Variants in SLC44A5 observed in about 807,000 individuals in gnomAD.
SLC44A5 encodes choline transporter-like protein 5.
A neutral mutation model predicts 101.8 loss-of-function variants in SLC44A5; 57 were observed. The observed-to-expected ratio is 0.56, with a 90% CI of 0.45 to 0.70. SLC44A5 has a LOEUF of 0.70. SLC44A5 is among the 30% of genes least tolerant of loss of function. The pLI is 0.00. For synonymous variants in SLC44A5, 281 were observed against 290.9 expected (o/e 0.97, Z 0.35); for missense variants, 737 against 853.1 (o/e 0.86, Z 1.70).
chr1:75,561,032 G>GAA (rs1332602139), intron 1 of SLC44A5, among the ~76,000 whole-genome samples: 16 of 152,082 alleles, frequency 1.1e-4, no homozygotes, highest in African/African-American at 3.9e-4. Flanking sequence ...TCCCATTCAT[G>GAA]TGTCCACAGG....
chr1:75,338,276 C>T (rs981288337), intron 4 of SLC44A5, among the ~76,000 whole-genome samples: 3 of 151,604 alleles, frequency 2.0e-5, no homozygotes, highest in Non-Finnish European at 4.4e-5. Context: ...CTGAACTACA[C>T]GGTTCCGTCA....
the SLC44A5 span, among the ~76,000 whole-genome samples, chr1:75,637,345 C>T: frequency 0.75 from 114,506 of 151,842 alleles, 43,446 homozygotes; most frequent in East Asian, 0.96. Context: ...AAGAAATGAT[C>T]CTGATACATG....
At chr1:75,523,328 C>T (rs1200922972) in intron 2 of SLC44A5, among the ~76,000 whole-genome samples, 1 of 152,064 alleles carries the variant, frequency 6.6e-6, no homozygotes, top group Non-Finnish European at 1.5e-5. Context: ...CAAGAAATAT[C>T]TACCATTTCT....
At chr1:75,652,066 A>T in the SLC44A5 span, among the ~76,000 whole-genome samples, 1 of 152,152 alleles carries the variant, frequency 6.6e-6, no homozygotes, top group Non-Finnish European at 1.5e-5. Flanking sequence ...TTTAACTGGT[A>T]GATAACCTTC....
At chr1:75,456,606 GT>G in intron 2 of SLC44A5, among the ~76,000 whole-genome samples, 1 of 152,270 alleles carries the variant, frequency 6.6e-6, no homozygotes, top group East Asian at 1.9e-4. Flanking sequence ...TTTCTGTTCT[GT>G]TTTCACTTGG....
At chr1:75,305,339 C>T (rs1440671765) in intron 4 of SLC44A5, among the ~76,000 whole-genome samples, 1 of 152,124 alleles carries the variant, frequency 6.6e-6, no homozygotes, top group African/African-American at 2.4e-5. Flanking sequence ...AGACTATTGC[C>T]GTGGTCTCTT....
chr1:75,551,120 G>A (rs181724897), intron 1 of SLC44A5, among the ~76,000 whole-genome samples: 55 of 152,008 alleles, frequency 3.6e-4, no homozygotes, highest in African/African-American at 1.1e-3. Context: ...TACTTATTCC[G>A]TATGCTGATT....
chr1:75,234,965 G>A (rs1647940501), intron 11 of SLC44A5, among the ~76,000 whole-genome samples: 1 of 152,004 alleles, frequency 6.6e-6, no homozygotes, highest in African/African-American at 2.4e-5. Flanking sequence ...GGTGCTATCT[G>A]TAAGTTTCCA....
At chr1:75,439,786 T>A (rs376378482) in intron 2 of SLC44A5, among the ~76,000 whole-genome samples, 3 of 152,094 alleles carry the variant, frequency 2.0e-5, no homozygotes, top group East Asian at 1.9e-4. Flanking sequence ...GAAAAGGTAA[T>A]GGCAGAGAAT....
intron 7 of SLC44A5, 100 bp downstream of exon 7, chr1:75,251,110 C>T: frequency 1.2e-6 from 1 of 863,854 alleles, no homozygotes; most frequent in Non-Finnish European, 1.9e-6. Context: ...AACCCCCTGC[C>T]CACGCACACA....
At chr1:75,349,573 G>T (rs1658492333) in intron 3 of SLC44A5, among the ~76,000 whole-genome samples, 1 of 152,154 alleles carries the variant, frequency 6.6e-6, no homozygotes, top group Non-Finnish European at 1.5e-5. Flanking sequence ...ATGAGAGTTT[G>T]CCCCAGCAGG....
At chr1:75,694,439 GT>G in the SLC44A5 span, among the ~76,000 whole-genome samples, 3 of 151,882 alleles carry the variant, frequency 2.0e-5, no homozygotes, top group Non-Finnish European at 4.4e-5. Flanking sequence ...TCAAGAATCT[GT>G]TTTCTTCCTA....
chr1:75,597,012 C>T (rs867300075), intron 1 of SLC44A5, among the ~76,000 whole-genome samples: 15 of 151,854 alleles, frequency 9.9e-5, no homozygotes, highest in South Asian at 2.1e-4. Context: ...ATGGCAAACC[C>T]CTATCTCTAT....
chr1:75,463,978 T>C (rs1415777701), intron 2 of SLC44A5, among the ~76,000 whole-genome samples: 2 of 151,974 alleles, frequency 1.3e-5, no homozygotes, highest in African/African-American at 4.8e-5. Flanking sequence ...ATCCCAGCAC[T>C]TTGAGAGGCC....
intron 1 of SLC44A5, among the ~76,000 whole-genome samples, chr1:75,598,479 G>T (rs532885608): frequency 6.6e-6 from 1 of 152,290 alleles, no homozygotes; most frequent in East Asian, 1.9e-4. Flanking sequence ...GTACACGTAT[G>T]TTCACTGCAG....
chr1:75,662,345 G>A, the SLC44A5 span, among the ~76,000 whole-genome samples: 1 of 152,038 alleles, frequency 6.6e-6, no homozygotes, highest in Non-Finnish European at 1.5e-5. Flanking sequence ...ACCAAAGGCT[G>A]AAAAGGAGAG....
chr1:75,698,904 C>T, the SLC44A5 span, among the ~76,000 whole-genome samples: 136 of 151,832 alleles, frequency 9.0e-4, 1 homozygote, highest in African/African-American at 2.7e-3. Context: ...AGGGTATCAG[C>T]GATGGAAGAT....
At chr1:75,532,112 T>G (rs1157561685) in intron 2 of SLC44A5, among the ~76,000 whole-genome samples, 1 of 152,152 alleles carries the variant, frequency 6.6e-6, no homozygotes, top group Non-Finnish European at 1.5e-5. Flanking sequence ...AATCTGAGTT[T>G]TAACAAGCTC....
intron 2 of SLC44A5, among the ~76,000 whole-genome samples, chr1:75,470,141 T>C (rs1667027678): frequency 6.6e-6 from 1 of 152,132 alleles, no homozygotes; most frequent in Admixed American, 6.6e-5. Context: ...AGATAAGAGC[T>C]TTTCATAACA....
Sources: gnomAD v4.1 joint callset for allele counts (sites outside exome capture counted in the v4.1 genomes callset) on GRCh38, gnomAD v4.1.1 for gene constraint, MANE v1.5 for transcripts, NCBI Gene and HGNC (gene_info 2026-07-23, HGNC 2026-07-21) for gene names.